Variants in SCAPER observed in about 807,000 individuals in gnomAD.
SCAPER encodes S-phase cyclin A associated protein in the ER.
Under a neutral mutation model 182.2 loss-of-function variants are expected in SCAPER, and 98 were observed. That is an observed-to-expected ratio of 0.54 (90% CI 0.46 to 0.64). SCAPER has a LOEUF of 0.64. SCAPER is among the 30% of genes least tolerant of loss of function. The pLI, the probability that SCAPER is intolerant of heterozygous loss-of-function variation, is 0.00. For synonymous variants in SCAPER, 605 were observed against 564.6 expected, an observed-to-expected ratio of 1.07 and a Z score of -1.01; for missense variants, 1,432 against 1,690.0, an observed-to-expected ratio of 0.85 and a Z score of 2.68.
intron 1 of SCAPER, among the ~76,000 whole-genome samples, chr15:76,899,211 C>T (rs1226797157): frequency 6.6e-6 from 1 of 152,338 alleles, no homozygotes; most frequent in South Asian, 2.1e-4. Context: ...CTTGCAGAGC[C>T]TGGACTGTAC....
intron 14 of SCAPER, among the ~76,000 whole-genome samples, chr15:76,757,354 C>A (rs1387464716): frequency 6.6e-6 from 1 of 152,048 alleles, no homozygotes; most frequent in Non-Finnish European, 1.5e-5. Context: ...GCATTTCTCT[C>A]TCTCATTTCA....
chr15:76,693,277 T>C (rs2058476600), intron 20 of SCAPER, among the ~76,000 whole-genome samples: 1 of 152,156 alleles, frequency 6.6e-6, no homozygotes, highest in Non-Finnish European at 1.5e-5. Flanking sequence ...AGAAATGAAT[T>C]GCTAATTTAA....
At position 76,771,566 on chromosome 15, in the gene SCAPER, A is replaced by T. The variant is rs372483100; in HGVS notation, c.1248+176T>A. 1.1e-4 allele frequency among the ~76,000 whole-genome samples: 16 copies of T among 152,264 alleles called. No individual in the cohort carries two copies. The East Asian group carries it at 2.9e-3, about 28-fold the overall frequency. ...CAATCTCACTTTCTTCCTCTAAAAA[A>T]TAAGAATCTTAACTATATCAAAAGT... is the stretch of plus-strand genomic sequence containing the variant. On this transcript the variant is annotated intron_variant, in intron 10 of 31. Transcript: ENST00000563290.
At chr15:76,567,430 G>A (rs2047118805) in intron 23 of SCAPER, 1 of 417,842 alleles carries the variant, frequency 2.4e-6, no homozygotes, top group Non-Finnish European at 4.8e-6. Flanking sequence ...TGATACACAT[G>A]TCTACAAATT....
chr15:76,500,718 T>C (rs182838133), intron 24 of SCAPER, among the ~76,000 whole-genome samples: 53 of 152,260 alleles, frequency 3.5e-4, no homozygotes, highest in Non-Finnish European at 5.9e-4. Flanking sequence ...CCACTATTAT[T>C]AGTCTAAAGT....
chr15:76,599,411 G>C (rs1172659055), intron 22 of SCAPER, among the ~76,000 whole-genome samples: 1 of 121,336 alleles, frequency 8.2e-6, no homozygotes, highest in African/African-American at 2.5e-5. Flanking sequence ...TTCATGCCTA[G>C]GTGTTCACCC....
chr15:76,547,836 G>A (rs926740516), intron 23 of SCAPER, among the ~76,000 whole-genome samples: 1 of 152,012 alleles, frequency 6.6e-6, no homozygotes, highest in Non-Finnish European at 1.5e-5. Flanking sequence ...AATTACTAGA[G>A]CTTTAAAAAG....
chr15:76,569,253 T>C (rs1355539611), intron 23 of SCAPER, among the ~76,000 whole-genome samples: 1 of 152,192 alleles, frequency 6.6e-6, no homozygotes. Flanking sequence ...TGAATCTTTA[T>C]CATTAATTGA....
chr15:76,672,548 T>G (rs568336215), intron 20 of SCAPER, among the ~76,000 whole-genome samples: 4 of 151,984 alleles, frequency 2.6e-5, no homozygotes, highest in African/African-American at 9.6e-5. Flanking sequence ...AAAAAAAGAT[T>G]GCAATGAAAG....
chr15:76,785,546 G>A (rs768239672), intron 8 of SCAPER, among the ~76,000 whole-genome samples: 3 of 152,166 alleles, frequency 2.0e-5, no homozygotes, highest in African/African-American at 7.2e-5. Context: ...CAAAGGATTA[G>A]AAATCATGCT....
intron 21 of SCAPER, among the ~76,000 whole-genome samples, chr15:76,629,681 T>C (rs906505802): frequency 6.6e-6 from 1 of 152,194 alleles, no homozygotes; most frequent in Non-Finnish European, 1.5e-5. Flanking sequence ...TTGAGAATCA[T>C]TGCATTGATG....
intron 23 of SCAPER, among the ~76,000 whole-genome samples, chr15:76,540,649 AG>A (rs1312701977): frequency 6.6e-6 from 1 of 152,030 alleles, no homozygotes; most frequent in African/African-American, 2.4e-5. Context: ...GAAAAATGAA[AG>A]GGTTTTTAAC....
rs560311794 is a variant in SCAPER at position 76,857,276 on chromosome 15, T to C, written c.195+533A>G. Among the ~76,000 whole-genome samples the C allele has an allele frequency of 1.0e-3, 156 of 151,956 alleles. 3 individuals carry two copies. Among genetic ancestry groups the C allele is most frequent in the African/African-American group, 3.7e-3 (152 of 41,420 alleles). Reference sequence around the variant, plus strand: ...GGTGAAACCCCGTCTCTATTAAAAATACAAAAATTAGCCGGGCATGGTGAC... The same window carrying C: ...GGTGAAACCCCGTCTCTATTAAAAACACAAAAATTAGCCGGGCATGGTGAC... On this transcript the variant is annotated intron_variant, in intron 4 of 31. Transcript: ENST00000563290.
intron 23 of SCAPER, among the ~76,000 whole-genome samples, chr15:76,568,077 T>C (rs191810252): frequency 6.6e-6 from 1 of 151,972 alleles, no homozygotes. Context: ...AACAAGGATA[T>C]TGAATCATTA....
chr15:76,520,212 G>A (rs369578014), intron 23 of SCAPER, among the ~76,000 whole-genome samples: 1 of 151,914 alleles, frequency 6.6e-6, no homozygotes, highest in Non-Finnish European at 1.5e-5. Flanking sequence ...GCTATCTTTT[G>A]TTTTTTTGTT....
intron 22 of SCAPER, among the ~76,000 whole-genome samples, chr15:76,588,350 C>T (rs555197195): frequency 2.0e-5 from 3 of 152,056 alleles, no homozygotes; most frequent in South Asian, 2.1e-4. Flanking sequence ...ATATAATGTC[C>T]CTCTTTGTCT....
intron 26 of SCAPER, among the ~76,000 whole-genome samples, chr15:76,408,965 G>A (rs1242891499): frequency 6.6e-6 from 1 of 152,082 alleles, no homozygotes; most frequent in Non-Finnish European, 1.5e-5. Flanking sequence ...TAAAGCCAAG[G>A]CAAACTGAAA....
At chr15:76,498,308 TG>T in intron 24 of SCAPER, 1 of 152,304 alleles carries the variant, frequency 6.6e-6, no homozygotes, top group Non-Finnish European at 1.5e-5. Flanking sequence ...AATAGTTTTC[TG>T]GGATTAAGGA....
intron 27 of SCAPER, among the ~76,000 whole-genome samples, chr15:76,383,855 G>A (rs924788671): frequency 2.6e-5 from 4 of 152,170 alleles, no homozygotes; most frequent in Non-Finnish European, 4.4e-5. Flanking sequence ...AGTAAATACT[G>A]TTAAGATATA....
Sources: allele counts gnomAD v4.1 joint callset (sites outside exome capture counted in the v4.1 genomes callset), GRCh38; gene constraint gnomAD v4.1.1; transcripts MANE v1.5; gene names NCBI Gene and HGNC (gene_info 2026-07-23, HGNC 2026-07-21).